RAB3IP: variants seen among roughly 807,000 people sequenced by gnomAD.
RAB3IP encodes the protein rab-3A-interacting protein.
Under a neutral mutation model 59.1 loss-of-function variants are expected in RAB3IP, and 36 were observed. The ratio of observed to expected loss-of-function variants is 0.61; its 90% confidence interval spans 0.47 to 0.80. The LOEUF (loss-of-function observed/expected upper bound fraction) is 0.80. Ranked by LOEUF, RAB3IP falls within the 30% of genes least tolerant of loss-of-function variation. The pLI is 0.00. For missense variants in RAB3IP, 511 were observed against 536.0 expected (o/e 0.95, Z 0.46); for synonymous variants, 207 against 191.2 (o/e 1.08, Z -0.68).
In RAB3IP at chr12:69,773,480, A is replaced by G. The variant is rs556656184; in HGVS notation, c.511-11240A>G. Among the ~76,000 whole-genome samples, 19 of 117,354 alleles carry G rather than the reference A, an allele frequency of 1.6e-4. No homozygotes were observed. In the East Asian group the frequency reaches 4.6e-3, roughly 28 times the overall value. The allele number at this position is 117,354 out of a possible 152,430, so 77.0% of individuals were successfully genotyped here. A position where few individuals can be genotyped will look rare whatever the true frequency, so the allele number is the denominator to read the frequency against. On this transcript the variant is annotated intron_variant, in intron 3 of 10. Coordinates refer to ENST00000247833, the MANE Select transcript of RAB3IP (RefSeq NM_022456.5). ...CATTGTGCAGGTTAGTTACATATGT[A>G]TACATGTGCCATGCTGGTGTGCTGC...
intron 3 of RAB3IP, among the ~76,000 whole-genome samples, chr12:69,772,696 T>C (rs1393718890): frequency 6.6e-6 from 1 of 152,214 alleles, no homozygotes; most frequent in African/African-American, 2.4e-5. Flanking sequence ...TCCATTCTTT[T>C]CCCACATTTT....
intron 3 of RAB3IP, among the ~76,000 whole-genome samples, chr12:69,758,749 T>C (rs938776201): frequency 1.4e-5 from 2 of 140,514 alleles, no homozygotes; most frequent in African/African-American, 5.3e-5. Flanking sequence ...CATCTGTGTG[T>C]TCATTCCTTT....
chr12:69,773,237 G>C (rs1378624910), intron 3 of RAB3IP, among the ~76,000 whole-genome samples: 1 of 151,854 alleles, frequency 6.6e-6, no homozygotes, highest in Non-Finnish European at 1.5e-5. Context: ...CCTTGTCTTT[G>C]ATCTTTGAGA....
chr12:69,821,090 C>G lies in RAB3IP; in HGVS notation c.*5644C>G, dbSNP rs186009517. ...CACACACAGTTTACTTTTGGAGGAACGTCTGAGGTCATGAGGACTAGATTC... is the reference window on the plus strand; with the variant it reads ...CACACACAGTTTACTTTTGGAGGAAGGTCTGAGGTCATGAGGACTAGATTC... On this transcript the variant is annotated 3_prime_UTR_variant, in exon 11 of 11. Coordinates refer to ENST00000247833, the MANE Select transcript of RAB3IP (RefSeq NM_022456.5). The G allele has an allele frequency of 6.6e-6, 1 of 152,132 alleles. No individual in the cohort carries two copies. Among genetic ancestry groups the G allele is most frequent in the African/African-American group, 2.4e-5 (1 of 41,398 alleles). 9.4% of individuals were successfully genotyped at this position (152,132 alleles called of 1,614,324 possible).
chr12:69,753,132 T>C (rs968716601), intron 1 of RAB3IP, among the ~76,000 whole-genome samples: 1 of 152,208 alleles, frequency 6.6e-6, no homozygotes, highest in Non-Finnish European at 1.5e-5. Context: ...TGTTGCACTT[T>C]GGGTTGTCTA....
Position 69,784,759 on chromosome 12 carries a change from A to G in RAB3IP, c.550A>G (p.Lys184Glu), listed in dbSNP as rs1046557053. The change falls in exon 4 of 11, where the codon AAA becomes GAA. Residue 184 changes from lysine (K) to glutamate (E), a missense_variant. Transcript: ENST00000247833. Reference protein sequence around the residue: ...LKDEECERLSKVRDQLGQELE... With the variant: ...LKDEECERLSEVRDQLGQELE... ...AGATGAAGAATGTGAGAGGCTTTCA[A>G]AAGTGCGAGATCAACTTGGACAGGA... The G allele has an allele frequency of 6.2e-7, 1 of 1,609,602 alleles. No individual in the cohort carries two copies. The highest frequency in any genetic ancestry group is 8.5e-7 in the Non-Finnish European group (1 of 1,177,438).
chr12:69,753,859 A>G (rs1434271870), intron 1 of RAB3IP, among the ~76,000 whole-genome samples: 1 of 152,086 alleles, frequency 6.6e-6, no homozygotes, highest in East Asian at 1.9e-4. Flanking sequence ...CAGAGGAAAA[A>G]CTTGAGTGGT....
rs575430054 is a variant in RAB3IP at position 69,747,009 on chromosome 12, A to G, written c.-26+7978A>G. The stretch of plus-strand genomic sequence containing the variant: ...TTATTGTGATAATACAAGTAAAACA[A>G]AATTATACTACAGGATTTATAGATG... On this transcript the variant is annotated intron_variant, in intron 1 of 10. Coordinates refer to ENST00000247833, the MANE Select transcript of RAB3IP (RefSeq NM_022456.5). Among the ~76,000 whole-genome samples, 10 of 152,312 alleles carry G rather than the reference A, an allele frequency of 6.6e-5. No homozygotes were observed. In the South Asian group the frequency reaches 1.7e-3, roughly 25 times the overall value.
At chr12:69,806,540 C>G (rs977040826) in intron 8 of RAB3IP, among the ~76,000 whole-genome samples, 1 of 113,584 alleles carries the variant, frequency 8.8e-6, no homozygotes, top group Non-Finnish European at 1.9e-5. Context: ...CTTCTGCTAG[C>G]TTTTGAATGT....
chr12:69,755,263 CTT>C, intron 1 of RAB3IP, 119 bp from the exon 2 acceptor site: 2 of 931,468 alleles, frequency 2.1e-6, no homozygotes, highest in South Asian at 3.6e-5. Flanking sequence ...AAAAAAGCCT[CTT>C]TTATTGTAAG....
intron 5 of RAB3IP, among the ~76,000 whole-genome samples, chr12:69,794,754 G>A (rs1421659430): frequency 6.6e-6 from 1 of 152,086 alleles, no homozygotes; most frequent in Non-Finnish European, 1.5e-5. Context: ...TTATCCAAAG[G>A]ATTATAGAAT....
chr12:69,797,689 A>G (rs556150661), intron 6 of RAB3IP, among the ~76,000 whole-genome samples: 9 of 149,260 alleles, frequency 6.0e-5, no homozygotes, highest in African/African-American at 2.0e-4. Context: ...CCACCCCACA[A>G]CAGTCCCCAG....
intron 6 of RAB3IP, 60 bp downstream of exon 6, chr12:69,795,404 A>G: frequency 7.2e-7 from 1 of 1,387,500 alleles, no homozygotes; most frequent in Non-Finnish European, 1.0e-6. Flanking sequence ...CTCATCACTG[A>G]GGTGTCAGTT....
At chr12:69,788,450 A>G (rs1335833652) in intron 4 of RAB3IP, among the ~76,000 whole-genome samples, 1 of 152,178 alleles carries the variant, frequency 6.6e-6, no homozygotes, top group Non-Finnish European at 1.5e-5. Flanking sequence ...AAAAATAAAT[A>G]TGGTATAATT....
At chr12:69,801,832 C>A in intron 8 of RAB3IP, 111 bp downstream of exon 8, 1 of 665,946 alleles carries the variant, frequency 1.5e-6, no homozygotes, top group Non-Finnish European at 2.6e-6. Flanking sequence ...CCTCAGATTT[C>A]TCTTAAGCGT....
At chr12:69,803,040 G>T (rs1402701478) in intron 8 of RAB3IP, among the ~76,000 whole-genome samples, 2 of 152,280 alleles carry the variant, frequency 1.3e-5, no homozygotes, top group Non-Finnish European at 2.9e-5. Context: ...TTTAAGGTCT[G>T]TGTCATGCCT....
intron 3 of RAB3IP, among the ~76,000 whole-genome samples, chr12:69,759,681 C>T (rs779219750): frequency 8.1e-4 from 113 of 139,368 alleles, no homozygotes; most frequent in Non-Finnish European, 1.2e-3. Context: ...CCGGACGGGG[C>T]GGCTGGCCGG....
chr12:69,779,563 A>G (rs1163681632), intron 3 of RAB3IP, among the ~76,000 whole-genome samples: 1 of 138,758 alleles, frequency 7.2e-6, no homozygotes, highest in African/African-American at 2.7e-5. Flanking sequence ...TTTCTTCTCT[A>G]CCTGTATATT....
chr12:69,767,702 A>G (rs981988372), intron 3 of RAB3IP, among the ~76,000 whole-genome samples: 8 of 151,922 alleles, frequency 5.3e-5, no homozygotes, highest in Non-Finnish European at 1.2e-4. Context: ...AGGCCTCTGC[A>G]CAGGAGGAGT....
Sources: allele counts gnomAD v4.1 joint callset (sites outside exome capture counted in the v4.1 genomes callset), GRCh38; gene constraint gnomAD v4.1.1; transcripts MANE v1.5; gene names NCBI Gene and HGNC (gene_info 2026-07-23, HGNC 2026-07-21).